Variants in SND1 observed in about 807,000 individuals in gnomAD.
The protein encoded by SND1 is staphylococcal nuclease and tudor domain containing 1, also known as staphylococcal nuclease domain-containing protein 1.
A neutral mutation model predicts 121.7 loss-of-function variants in SND1; 38 were observed. The ratio of observed to expected loss-of-function variants is 0.31; its 90% confidence interval spans 0.24 to 0.41. SND1 has a LOEUF of 0.41. Among genes scored for constraint, SND1 ranks in the 10% least tolerant of loss-of-function variants. The probability of loss-of-function intolerance (pLI) is 1.00; values close to 1 mark genes in which losing one functional copy is unlikely to be tolerated. For synonymous variants in SND1, 401 were observed against 447.4 expected (o/e 0.90, Z 1.31); for missense variants, 868 against 1,184.6 (o/e 0.73, Z 3.92).
chr7:127,740,251 C>T (rs1361603410), intron 10 of SND1, among the ~76,000 whole-genome samples: 2 of 152,068 alleles, frequency 1.3e-5, no homozygotes, highest in Admixed American at 6.6e-5. Context: ...TTCTTTTATT[C>T]ATTAGGCATC....
At position 128,052,918 on chromosome 7, in the gene SND1, A is replaced by G. The variant is rs1793071126; in HGVS notation, c.1780-21584A>G. ...CTAGTTTAGAGCTGGTACCTACTGT[A>G]TGGATAGTGCAAGTCTAGAACACAC... On this transcript the variant is annotated intron_variant, in intron 16 of 23. Transcript: ENST00000354725. This position sits in a 1 kb window ranked among gnomAD's most constrained non-coding sequence, Gnocchi z 4.6. Among the ~76,000 whole-genome samples the G allele has an allele frequency of 6.6e-6, 1 of 152,222 alleles. No homozygotes were observed.
At chr7:127,929,160 G>T in intron 14 of SND1, 28 bp from the exon 15 acceptor site, 2 of 1,612,046 alleles carry the variant, frequency 1.2e-6, no homozygotes, top group Non-Finnish European at 1.7e-6. Flanking sequence ...TTACTTTCCA[G>T]TTACTCTTTT....
At chr7:127,866,910 G>A (rs768679939) in intron 12 of SND1, among the ~76,000 whole-genome samples, 73 of 152,008 alleles carry the variant, frequency 4.8e-4, no homozygotes, top group Non-Finnish European at 8.8e-4. Context: ...TCCCATCTCC[G>A]TAGACAGTTT....
At chr7:127,825,171 C>T (rs1261768906) in intron 11 of SND1, among the ~76,000 whole-genome samples, 1 of 152,078 alleles carries the variant, frequency 6.6e-6, no homozygotes, top group African/African-American at 2.4e-5. Flanking sequence ...AGTGCAATGG[C>T]GCGATGTGGG....
intron 16 of SND1, among the ~76,000 whole-genome samples, chr7:128,002,730 G>T (rs1039348098): frequency 6.6e-6 from 1 of 152,158 alleles, no homozygotes. Flanking sequence ...GAGGGATACG[G>T]GTATGAACTA....
intron 12 of SND1, among the ~76,000 whole-genome samples, chr7:127,881,165 C>G (rs1799781686): frequency 4.6e-5 from 7 of 152,074 alleles, no homozygotes; most frequent in Admixed American, 4.6e-4. Flanking sequence ...GCCTCCCACT[C>G]TCTGGGTCCA....
At chr7:127,811,615 G>GT (rs776901049) in intron 11 of SND1, among the ~76,000 whole-genome samples, 7 of 151,966 alleles carry the variant, frequency 4.6e-5, no homozygotes, top group Non-Finnish European at 8.8e-5. Flanking sequence ...CTTCCTACTG[G>GT]TTTTGCCACA....
chr7:127,827,426 T>G (rs1798661877), intron 11 of SND1, among the ~76,000 whole-genome samples: 1 of 152,240 alleles, frequency 6.6e-6, no homozygotes, highest in Non-Finnish European at 1.5e-5. Flanking sequence ...ACTTTGCAAT[T>G]TATATTTCAC....
chr7:127,781,428 C>A (rs17730185), intron 10 of SND1, among the ~76,000 whole-genome samples: 1 of 151,914 alleles, frequency 6.6e-6, no homozygotes, highest in Non-Finnish European at 1.5e-5. Context: ...CAGAATTCAT[C>A]GAGAAAAATG....
intron 13 of SND1, among the ~76,000 whole-genome samples, chr7:127,896,897 G>A (rs2116749697): frequency 6.6e-6 from 1 of 152,212 alleles, no homozygotes; most frequent in South Asian, 2.1e-4. Flanking sequence ...TGGCTGAGTG[G>A]ATTGGAGAGC....
chr7:127,920,811 G>T (rs998771069), intron 14 of SND1, among the ~76,000 whole-genome samples: 1 of 142,828 alleles, frequency 7.0e-6, no homozygotes, highest in Non-Finnish European at 1.5e-5. Flanking sequence ...TTTACTTGAG[G>T]CACAGATACA....
In SND1 at chr7:128,028,818, T is replaced by C. The variant is rs754214662; in HGVS notation, c.1779+37762T>C. 7.4e-6 allele frequency: 12 copies of C among 1,614,092 alleles called. No individual in the cohort carries two copies. The South Asian group carries it at 1.2e-4, about 16-fold the overall frequency. ...GGCCCCATGTGCTGGTTTGTAGGTG[T>C]TGTAGTTAATATGGTCATGAATTGT... On this transcript the variant is annotated intron_variant, in intron 16 of 23. Transcript: ENST00000354725.
intron 7 of SND1, 139 bp from the exon 8 acceptor site, chr7:127,704,700 C>A: frequency 1.4e-6 from 1 of 695,478 alleles, no homozygotes; most frequent in Non-Finnish European, 2.5e-6. Context: ...GTGAGAGAAG[C>A]TACTCTACTG....
At chr7:127,883,967 T>C (rs1423982905) in intron 12 of SND1, among the ~76,000 whole-genome samples, 1 of 152,170 alleles carries the variant, frequency 6.6e-6, no homozygotes, top group Non-Finnish European at 1.5e-5. Context: ...TTTTACTCTT[T>C]CTAATTAATA....
At chr7:127,940,542 C>G (rs1563064963) in intron 15 of SND1, among the ~76,000 whole-genome samples, 1 of 152,176 alleles carries the variant, frequency 6.6e-6, no homozygotes, top group East Asian at 1.9e-4. Context: ...CCAGGGTGAA[C>G]AGTGCACACT....
chr7:127,921,659 C>T (rs1302275669), intron 14 of SND1, among the ~76,000 whole-genome samples: 3 of 152,030 alleles, frequency 2.0e-5, no homozygotes, highest in Non-Finnish European at 4.4e-5. Context: ...TTTTGAGAAA[C>T]GTATATTTAT....
In SND1 at chr7:128,066,111, G is replaced by C. The variant is rs759932638; in HGVS notation, c.1780-8391G>C. 1.9e-3 allele frequency among the ~76,000 whole-genome samples: 290 copies of C among 152,234 alleles called. 3 individuals carry two copies. Among genetic ancestry groups the C allele is most frequent in the Non-Finnish European group, 3.3e-3 (224 of 68,048 alleles). On this transcript the variant is annotated intron_variant, in intron 16 of 23. Transcript: ENST00000354725. ...GTCAGCAGGTTTGCATTTCCCAGCA[G>C]ACCCAGATGATGCTGATGGCAGTGG...
chr7:127,891,160 G>T (rs17151488), intron 13 of SND1, among the ~76,000 whole-genome samples: 3 of 151,904 alleles, frequency 2.0e-5, no homozygotes, highest in Non-Finnish European at 4.4e-5. Flanking sequence ...TTGCTAGATA[G>T]GAATGGTGGT....
intron 16 of SND1, among the ~76,000 whole-genome samples, chr7:127,995,558 T>C (rs918859936): frequency 4.6e-5 from 7 of 152,250 alleles, no homozygotes; most frequent in African/African-American, 1.7e-4. Flanking sequence ...GTCCTGGATA[T>C]GTGATTCTTT....
Sources: allele counts gnomAD v4.1 joint callset (sites outside exome capture counted in the v4.1 genomes callset), GRCh38; gene constraint gnomAD v4.1.1; non-coding constraint Gnocchi (gnomAD v3.1); transcripts MANE v1.5; gene names NCBI Gene and HGNC (gene_info 2026-07-23, HGNC 2026-07-21).